Variants in BRPF3 observed in about 807,000 individuals in gnomAD.
BRPF3 encodes bromodomain and PHD finger containing 3.
BRPF3 carries 18 observed loss-of-function variants against 102.0 expected under a neutral mutation model. The observed-to-expected ratio is 0.18, with a 90% CI of 0.12 to 0.26. BRPF3 has a LOEUF of 0.26. Ranked by LOEUF, BRPF3 falls within the 10% of genes least tolerant of loss-of-function variation. The pLI, the probability that BRPF3 is intolerant of heterozygous loss-of-function variation, is 1.00. For synonymous variants in BRPF3, 570 were observed against 614.2 expected, an observed-to-expected ratio of 0.93 and a Z score of 1.06; for missense variants, 1,147 against 1,567.8, an observed-to-expected ratio of 0.73 and a Z score of 4.53.
In BRPF3 at chr6:36,201,840, G is replaced by A; in HGVS notation, c.1448+70G>A. On this transcript the variant is annotated intron_variant, in intron 2 of 12. Transcript: ENST00000357641. This position sits in a 1 kb window ranked among gnomAD's most constrained non-coding sequence, Gnocchi z 5.1. ...TTGGGTTGGTGTTGGCCCTGTGCCA[G>A]GCCTTCGCTAAACACAGTTGGACAC... 6.6e-7 allele frequency: 1 copy of A among 1,520,262 alleles called. No homozygotes were observed. The highest frequency in any genetic ancestry group is 8.8e-7 in the Non-Finnish European group (1 of 1,136,036). The allele number at this position is 1,520,262 out of a possible 1,614,324, so 94.2% of individuals were successfully genotyped here.
Position 36,211,542 on chromosome 6 carries a change from GA to G in BRPF3, c.2466del (p.Asp823ThrfsTer37). On this transcript the variant is annotated frameshift_variant, in exon 7 of 13. Coordinates refer to ENST00000357641, the MANE Select transcript of BRPF3 (RefSeq NM_015695.3). LOFTEE classifies it high-confidence loss of function. ...VLEQALQEEP[E>X]DDGDRDDSKL... ...GGAGCAGGCCTTGCAGGAGGAGCCA[GA>G]AGACGATGGGGACAGAGGTGAGAGA... The G allele has an allele frequency of 6.4e-7, 1 of 1,554,260 alleles. No individual in the cohort carries two copies. Among genetic ancestry groups the G allele is most frequent in the Non-Finnish European group, 8.7e-7 (1 of 1,148,298 alleles).
rs1767715977 is a variant in BRPF3, at chr6:36,201,804, A to G, written c.1448+34A>G. The G allele has an allele frequency of 6.5e-7, 1 of 1,548,022 alleles. No individual in the cohort carries two copies. Among genetic ancestry groups the G allele is most frequent in the Non-Finnish European group, 8.7e-7 (1 of 1,148,938 alleles). ...GCCCAGAAGGGCTCCTTAGGGACTC[A>G]TGGTTTCTTCTTGGGTTGGTGTTGG... On this transcript the variant is annotated intron_variant, in intron 2 of 12. Coordinates refer to ENST00000357641, the MANE Select transcript of BRPF3 (RefSeq NM_015695.3). This position sits in a 1 kb window ranked among gnomAD's most constrained non-coding sequence, Gnocchi z 5.1.
intron 4 of BRPF3, 84 bp from the exon 5 acceptor site, chr6:36,209,703 G>A: frequency 5.9e-6 from 9 of 1,524,924 alleles, no homozygotes; most frequent in Non-Finnish European, 8.0e-6. Flanking sequence ...TACAAGATTG[G>A]TAAAAGTCAA....
intron 1 of BRPF3, chr6:36,197,262 G>C (rs1202614780): frequency 2.0e-5 from 3 of 151,924 alleles, no homozygotes; most frequent in East Asian, 1.9e-4. Flanking sequence ...AATTGGCCTG[G>C]CCAGACGAGA....
Position 36,231,972 on chromosome 6 carries a change from T to G in BRPF3, c.*1363T>G, listed in dbSNP as rs1281803715. 6.6e-6 allele frequency: 1 copy of G among 152,652 alleles called. No homozygotes were observed. The highest frequency in any genetic ancestry group is 1.5e-5 in the Non-Finnish European group (1 of 68,048). 9.5% of individuals were successfully genotyped at this position (152,652 alleles called of 1,614,324 possible). ...CATGTTGATTTTTAACCTGATATTC[T>G]TTTTAATTGTTTTAAATTTTTCATA... is the stretch of plus-strand genomic sequence containing the variant. On this transcript the variant is annotated 3_prime_UTR_variant, in exon 13 of 13. Coordinates refer to ENST00000357641, the MANE Select transcript of BRPF3 (RefSeq NM_015695.3).
chr6:36,215,456 T>C (rs1768295564), intron 8 of BRPF3, among the ~76,000 whole-genome samples: 1 of 152,204 alleles, frequency 6.6e-6, no homozygotes, highest in African/African-American at 2.4e-5. Context: ...CATGAGTAGC[T>C]GTGAGGAAGT....
Position 36,210,230 on chromosome 6 carries a change from G to A in BRPF3, c.1881G>A (p.Leu627=), listed in dbSNP as rs771139480. Reference sequence around the variant, plus strand: ...TATATGTTTAGGTTCCAGATTACCTGGAATTCATATCCAAGCCAATGGATT... The same window carrying A: ...TATATGTTTAGGTTCCAGATTACCTAGAATTCATATCCAAGCCAATGGATT... ...PVNLSEVPDY[L]EFISKPMDFS... is the part of the protein sequence containing the mutation. Residue 627 remains leucine (L), a synonymous_variant, in exon 6 of 13, where the codon CTG becomes CTA. Coordinates refer to ENST00000357641, the MANE Select transcript of BRPF3 (RefSeq NM_015695.3). The surrounding 1 kb of genome is among the most constrained non-coding windows in gnomAD (Gnocchi z 4.7). The A allele has an allele frequency of 5.0e-6, 8 of 1,614,202 alleles. No individual in the cohort carries two copies. Among genetic ancestry groups the A allele is most frequent in the Non-Finnish European group, 6.8e-6 (8 of 1,180,040 alleles).
chr6:36,202,234 AC>A (rs1450082340), intron 2 of BRPF3, among the ~76,000 whole-genome samples: 1 of 152,062 alleles, frequency 6.6e-6, no homozygotes, highest in East Asian at 1.9e-4. Flanking sequence ...AGAACTAATT[AC>A]CCAGTGAAGA....
rs1768045347 is a variant in BRPF3 at position 36,210,041 on chromosome 6, T to G, written c.1866+126T>G. The G allele has an allele frequency of 6.9e-7, 1 of 1,449,238 alleles. No individual in the cohort carries two copies. Among genetic ancestry groups the G allele is most frequent in the African/African-American group, 1.4e-5 (1 of 71,252 alleles). 89.8% of individuals were successfully genotyped at this position (1,449,238 alleles called of 1,614,324 possible). ...GGTAGGAGGGTGGGTCTGGCAAAGC[T>G]AGTAGACTTGCCCTTGATGAGGGGT... On this transcript the variant is annotated intron_variant, in intron 5 of 12. Transcript: ENST00000357641. The surrounding 1 kb of genome is among the most constrained non-coding windows in gnomAD (Gnocchi z 4.7).
Position 36,225,373 on chromosome 6 carries a change from GC to G in BRPF3, c.3279+13del. On this transcript the variant is annotated intron_variant, in intron 11 of 12. Coordinates refer to ENST00000357641, the MANE Select transcript of BRPF3 (RefSeq NM_015695.3). The stretch of plus-strand genomic sequence containing the variant: ...CCTCCTACCCTGCCTTGGTGAGTCT[GC>G]CCCAGACGCCACCCTCCTATCTCCC... The G allele has an allele frequency of 1.2e-6, 2 of 1,606,860 alleles. No homozygotes were observed.
chr6:36,204,605 A>T, intron 2 of BRPF3, 53 bp from the exon 3 acceptor site: 1 of 1,605,926 alleles, frequency 6.2e-7, no homozygotes, highest in Non-Finnish European at 8.5e-7. Context: ...CACAGGCTGT[A>T]ATCTGGGCTG....
intron 3 of BRPF3, among the ~76,000 whole-genome samples, chr6:36,206,897 T>G (rs1051452098): frequency 1.3e-5 from 2 of 152,150 alleles, no homozygotes; most frequent in African/African-American, 4.8e-5. Flanking sequence ...GAATCGTGAT[T>G]TGTTTGTTGT....
In BRPF3 at chr6:36,204,651, A is replaced by T; in HGVS notation, c.1449-7A>T. The T allele has an allele frequency of 6.2e-7, 1 of 1,614,096 alleles. No homozygotes were observed. Among genetic ancestry groups the T allele is most frequent in the Non-Finnish European group, 8.5e-7 (1 of 1,179,996 alleles). On this transcript the variant is annotated splice_region_variant and splice_polypyrimidine_tract_variant and intron_variant, in intron 2 of 12. Transcript: ENST00000357641. Reference sequence around the variant, plus strand: ...TTGTCTTTCACTTCCGTGTGCCTCTACTCAAGGTTGAACAAGATCTGTAGT... The same window carrying T: ...TTGTCTTTCACTTCCGTGTGCCTCTTCTCAAGGTTGAACAAGATCTGTAGT...
At position 36,207,369 on chromosome 6, in the gene BRPF3, G is replaced by A. The variant is rs746439445; in HGVS notation, c.1662G>A (p.Lys554=). 3.7e-6 allele frequency: 6 copies of A among 1,614,154 alleles called. No individual in the cohort carries two copies. Among genetic ancestry groups the A allele is most frequent in the Non-Finnish European group, 5.1e-6 (6 of 1,180,022 alleles). The part of the protein sequence containing the change: ...AVKEELKYWQ[K]LRHDLERARL... ...AGGAGGAGCTGAAGTATTGGCAGAA[G>A]CTCCGGCATGACTTGGAGCGGGCGC... The change falls in exon 4 of 13, where the codon AAG becomes AAA. Residue 554 remains lysine (K), a synonymous_variant. Transcript: ENST00000357641.
At chr6:36,211,614 C>A in intron 7 of BRPF3, 54 bp downstream of exon 7, 1 of 1,522,962 alleles carries the variant, frequency 6.6e-7, no homozygotes, top group Non-Finnish European at 8.9e-7. Context: ...GGGACAAAGG[C>A]TAAGCTGAAA....
rs1433701077 is a variant in BRPF3, at chr6:36,231,955, T to G, written c.*1346T>G. On this transcript the variant is annotated 3_prime_UTR_variant, in exon 13 of 13. Coordinates refer to ENST00000357641, the MANE Select transcript of BRPF3 (RefSeq NM_015695.3). ...TGCAGGCCGCTGATTGCCATGTTGA[T>G]TTTTAACCTGATATTCTTTTTAATT... 1 of 152,644 alleles carries G rather than the reference T, an allele frequency of 6.6e-6. No homozygotes were observed. Among genetic ancestry groups the G allele is most frequent in the Non-Finnish European group, 1.5e-5 (1 of 68,034 alleles). 9.5% of individuals were successfully genotyped at this position (152,644 alleles called of 1,614,324 possible).
At chr6:36,225,472 T>A in intron 11 of BRPF3, 108 bp downstream of exon 11, 2 of 975,680 alleles carry the variant, frequency 2.0e-6, no homozygotes, top group Non-Finnish European at 3.0e-6. Context: ...TGTCTTTAGC[T>A]GTAGAGGGGA....
At chr6:36,219,504 G>A (rs1175799268) in intron 9 of BRPF3, among the ~76,000 whole-genome samples, 1 of 152,140 alleles carries the variant, frequency 6.6e-6, no homozygotes, top group Non-Finnish European at 1.5e-5. Flanking sequence ...TTGACTAAAA[G>A]TGAAAGGTGT....
At position 36,201,333 on chromosome 6, in the gene BRPF3, C is replaced by A. The variant is rs370551268; in HGVS notation, c.1011C>A (p.Ile337=). The A allele has an allele frequency of 7.4e-6, 12 of 1,614,140 alleles. No homozygotes were observed. In the East Asian group the frequency reaches 1.3e-4, roughly 18 times the overall value. ...AGCAGAAAGGGCTAGGTGCAGCCAT[C>A]CAGTGCCATAAGGTGAACTGCTACA... The part of the protein sequence containing the change: ...ICKQKGLGAA[I]QCHKVNCYTA... Residue 337 remains isoleucine (I), a synonymous_variant, in exon 2 of 13, where the codon ATC becomes ATA. Coordinates refer to ENST00000357641, the MANE Select transcript of BRPF3 (RefSeq NM_015695.3). The surrounding 1 kb of genome is among the most constrained non-coding windows in gnomAD (Gnocchi z 5.1).
Sources: gnomAD v4.1 joint callset for allele counts (sites outside exome capture counted in the v4.1 genomes callset) on GRCh38, gnomAD v4.1.1 for gene constraint, Gnocchi (gnomAD v3.1) non-coding constraint, MANE v1.5 for transcripts, NCBI Gene and HGNC (gene_info 2026-07-23, HGNC 2026-07-21) for gene names.